Variants in ARHGEF38 observed in about 807,000 individuals in gnomAD.
The protein encoded by ARHGEF38 is Rho guanine nucleotide exchange factor (GEF) 38.
Under a neutral mutation model 79.9 loss-of-function variants are expected in ARHGEF38, and 79 were observed. The observed-to-expected ratio is 0.99, with a 90% CI of 0.82 to 1.19. The LOEUF is 1.19. Among genes scored for constraint, ARHGEF38 ranks in the 50% most tolerant of loss-of-function variants. ARHGEF38 has a pLI of 0.00. For missense variants in ARHGEF38, 962 were observed against 907.2 expected (o/e 1.06, Z -0.78); for synonymous variants, 366 against 328.3 (o/e 1.11, Z -1.24).
chr4:105,559,393 G>C (rs1469844132), intron 1 of ARHGEF38, among the ~76,000 whole-genome samples: 1 of 152,096 alleles, frequency 6.6e-6, no homozygotes, highest in Non-Finnish European at 1.5e-5. Flanking sequence ...CACAATTGAT[G>C]ATGGGGGTGT....
At chr4:105,609,405 T>A (rs555441380) in intron 2 of ARHGEF38, among the ~76,000 whole-genome samples, 1 of 152,200 alleles carries the variant, frequency 6.6e-6, no homozygotes, top group South Asian at 2.1e-4. Flanking sequence ...AGCTTTGTAG[T>A]AGATTTTGAA....
At chr4:105,557,605 A>T (rs1725312172) in intron 1 of ARHGEF38, among the ~76,000 whole-genome samples, 1 of 151,640 alleles carries the variant, frequency 6.6e-6, no homozygotes, top group African/African-American at 2.4e-5. Flanking sequence ...CCTTAAAAAA[A>T]AAAAAAAAAG....
chr4:105,653,240 C>T (rs1380881514), intron 7 of ARHGEF38, among the ~76,000 whole-genome samples: 1 of 151,848 alleles, frequency 6.6e-6, no homozygotes, highest in East Asian at 1.9e-4. Context: ...CTTAAGTCTG[C>T]TGAGTTATCT....
intron 1 of ARHGEF38, among the ~76,000 whole-genome samples, chr4:105,574,226 A>C (rs1726373097): frequency 6.6e-6 from 1 of 152,034 alleles, no homozygotes; most frequent in Non-Finnish European, 1.5e-5. Context: ...TAATTGCTCC[A>C]GCTAGAATTT....
intron 1 of ARHGEF38, among the ~76,000 whole-genome samples, chr4:105,586,143 G>A (rs1727035621): frequency 1.3e-5 from 2 of 151,820 alleles, no homozygotes; most frequent in South Asian, 2.1e-4. Flanking sequence ...TAAAAGCTAA[G>A]TATAACTAAA....
chr4:105,634,655 C>T (rs1441459776), intron 4 of ARHGEF38, among the ~76,000 whole-genome samples: 1 of 152,088 alleles, frequency 6.6e-6, no homozygotes, highest in Non-Finnish European at 1.5e-5. Context: ...ACTAAAGTCC[C>T]TGCTGCATTT....
chr4:105,654,811 C>A (rs943991642), intron 8 of ARHGEF38, among the ~76,000 whole-genome samples: 8 of 152,154 alleles, frequency 5.3e-5, no homozygotes, highest in Non-Finnish European at 8.8e-5. Context: ...GCCACCTTGA[C>A]AATGGCTATG....
chr4:105,660,987 T>C (rs1053507446), intron 10 of ARHGEF38, among the ~76,000 whole-genome samples: 2 of 152,196 alleles, frequency 1.3e-5, no homozygotes, highest in African/African-American at 4.8e-5. Context: ...TCCACATTTT[T>C]TCCTAACCTC....
In ARHGEF38 at chr4:105,655,717, G is replaced by C; in HGVS notation, c.1228G>C (p.Asp410His). The C allele has an allele frequency of 6.5e-7, 1 of 1,534,036 alleles. No homozygotes were observed. Among genetic ancestry groups the C allele is most frequent in the Non-Finnish European group, 8.7e-7 (1 of 1,145,986 alleles). ...TLSNALNSCH[D>H]FASHLQRLIL... is the part of the protein sequence containing the mutation. ...AAGTAATGCCTTAAATTCGTGTCATGACTTTGTAAGTTATTTATATTCACA... is the reference window on the plus strand; with the variant it reads ...AAGTAATGCCTTAAATTCGTGTCATCACTTTGTAAGTTATTTATATTCACA... The change falls in exon 9 of 14, where the codon GAC becomes CAC. Residue 410 changes from aspartate (D) to histidine (H), a missense_variant. Transcript: ENST00000420470.
At chr4:105,566,264 C>T (rs1578259290) in intron 1 of ARHGEF38, among the ~76,000 whole-genome samples, 1 of 152,206 alleles carries the variant, frequency 6.6e-6, no homozygotes, top group African/African-American at 2.4e-5. Context: ...TTCTTTTGCT[C>T]ATGACACTTT....
At position 105,552,811 on chromosome 4, in the gene ARHGEF38, A is replaced by T; in HGVS notation, c.46A>T (p.Lys16Ter). 5 of 1,612,794 alleles carry T rather than the reference A, an allele frequency of 3.1e-6. No homozygotes were observed. The highest frequency in any genetic ancestry group is 4.2e-6 in the Non-Finnish European group (5 of 1,179,596). Residue 16 changes from lysine (K) to a stop codon, truncating the protein, a stop_gained, in exon 1 of 14, where the codon AAA (lysine) becomes TAA (stop). Coordinates refer to ENST00000420470, the MANE Select transcript of ARHGEF38 (RefSeq NM_001242729.2). LOFTEE classifies it high-confidence loss of function. ...ATGKENMVTKKKNLAFLRSRL... is the reference protein window; with the variant it reads ...ATGKENMVTK ...TGGGAAAGAAAACATGGTCACCAAG[A>T]AAAAGAATCTGGCCTTCTTGAGGTC...
In ARHGEF38 at chr4:105,645,357, A is replaced by G. The variant is rs528664907; in HGVS notation, c.844A>G (p.Ile282Val). The G allele has an allele frequency of 9.2e-6, 14 of 1,527,282 alleles. No homozygotes were observed. The East Asian group carries it at 2.7e-4, about 29-fold the overall frequency. The allele number at this position is 1,527,282 out of a possible 1,614,324, so 94.6% of individuals were successfully genotyped here. The change falls in exon 6 of 14, where the codon ATC becomes GTC. Residue 282 changes from isoleucine (I) to valine (V), a missense_variant. By Grantham distance (29) the Ile-to-Val change is conservative. Coordinates refer to ENST00000420470, the MANE Select transcript of ARHGEF38 (RefSeq NM_001242729.2). ...TGCTGTGAAGGACATTAATGTTAACATCAATGAACTTAAAAGAAGGAAAGA... is the reference window on the plus strand; with the variant it reads ...TGCTGTGAAGGACATTAATGTTAACGTCAATGAACTTAAAAGAAGGAAAGA... Reference protein sequence around the residue: ...FAAVKDINVNINELKRRKDLV... With the variant: ...FAAVKDINVNVNELKRRKDLV...
intron 1 of ARHGEF38, among the ~76,000 whole-genome samples, chr4:105,567,240 A>G (rs1348622845): frequency 6.6e-6 from 1 of 152,186 alleles, no homozygotes; most frequent in East Asian, 1.9e-4. Context: ...CATTTACACC[A>G]GTTTTTAAAT....
intron 9 of ARHGEF38, among the ~76,000 whole-genome samples, chr4:105,658,059 G>C (rs543105526): frequency 4.6e-5 from 7 of 152,210 alleles, no homozygotes; most frequent in African/African-American, 1.4e-4. Flanking sequence ...CATGAAGTTG[G>C]GCAGTTCTAT....
chr4:105,631,652 G>T (rs1729198697), intron 4 of ARHGEF38: 1 of 984,518 alleles, frequency 1.0e-6, no homozygotes, highest in Non-Finnish European at 1.2e-6. Context: ...AACAAAGTAT[G>T]TGTAAGATAA....
chr4:105,558,498 A>G (rs1489269961), intron 1 of ARHGEF38, among the ~76,000 whole-genome samples: 1 of 152,212 alleles, frequency 6.6e-6, no homozygotes, highest in African/African-American at 2.4e-5. Context: ...ACCAGTACAA[A>G]CAGGTGTGTG....
At chr4:105,602,405 C>T (rs962977559) in intron 2 of ARHGEF38, among the ~76,000 whole-genome samples, 2 of 151,988 alleles carry the variant, frequency 1.3e-5, no homozygotes, top group East Asian at 1.9e-4. Flanking sequence ...CAATTAAACA[C>T]GTTTTAGGAA....
At chr4:105,664,501 T>G (rs1031325940) in intron 10 of ARHGEF38, among the ~76,000 whole-genome samples, 1 of 152,168 alleles carries the variant, frequency 6.6e-6, no homozygotes, top group Non-Finnish European at 1.5e-5. Flanking sequence ...ACCCCTACAT[T>G]TGCTATAGTC....
In ARHGEF38 at chr4:105,667,569, C is replaced by A. The variant is rs570470008; in HGVS notation, c.2014C>A (p.Arg672=). The A allele has an allele frequency of 2.6e-6, 4 of 1,536,570 alleles. No homozygotes were observed. Among genetic ancestry groups the A allele is most frequent in the East Asian group, 2.4e-5 (1 of 40,936 alleles). ...FENISLFVSS[R]PASDSVTGTS... ...GAACATCAGCCTCTTCGTGTCTTCA[C>A]GGCCAGCTAGTGACAGTGTCACAGG... The change falls in exon 13 of 14, where the codon CGG becomes AGG. Residue 672 remains arginine, a synonymous_variant. Transcript: ENST00000420470.
Sources: gnomAD v4.1 joint callset for allele counts (sites outside exome capture counted in the v4.1 genomes callset) on GRCh38, gnomAD v4.1.1 for gene constraint, MANE v1.5 for transcripts, NCBI Gene and HGNC (gene_info 2026-07-23, HGNC 2026-07-21) for gene names.